The following MSRB3 variants were observed in gnomAD, a reference collection of about 807,000 sequenced individuals.
The protein encoded by MSRB3 is methionine-R-sulfoxide reductase B3.
Under a neutral mutation model 21.0 loss-of-function variants are expected in MSRB3, and 13 were observed. The observed-to-expected ratio is 0.62, with a 90% CI of 0.40 to 0.98. The LOEUF (loss-of-function observed/expected upper bound fraction) is 0.98. Ranked by LOEUF, MSRB3 falls within the 50% of genes least tolerant of loss-of-function variation. MSRB3 has a pLI of 0.00. For missense variants in MSRB3, 199 were observed against 230.3 expected (o/e 0.86, Z 0.88); for synonymous variants, 87 against 88.6 (o/e 0.98, Z 0.10).
At chr12:65,457,424 T>C (rs1055199136) in intron 6 of MSRB3, among the ~76,000 whole-genome samples, 4 of 152,078 alleles carry the variant, frequency 2.6e-5, no homozygotes, top group Non-Finnish European at 5.9e-5. Context: ...CCTGTGTCCA[T>C]GTGTTCTCAT....
At chr12:65,407,023 C>T (rs1459513667) in intron 5 of MSRB3, among the ~76,000 whole-genome samples, 1 of 152,170 alleles carries the variant, frequency 6.6e-6, no homozygotes, top group East Asian at 1.9e-4. Flanking sequence ...ATAAAATTAT[C>T]TGGTCTAAGA....
chr12:65,363,626 A>G (rs569511972), intron 4 of MSRB3, among the ~76,000 whole-genome samples: 6 of 152,216 alleles, frequency 3.9e-5, no homozygotes, highest in Non-Finnish European at 5.9e-5. Context: ...CAATATTGCT[A>G]TGGTGGATAG....
chr12:65,371,599 A>G (rs973205741), intron 5 of MSRB3, among the ~76,000 whole-genome samples: 3 of 135,954 alleles, frequency 2.2e-5, no homozygotes, highest in Non-Finnish European at 4.8e-5. Context: ...GTGTGTGTGT[A>G]CTCACACACC....
At chr12:65,349,466 TC>T (rs1295620293) in intron 4 of MSRB3, among the ~76,000 whole-genome samples, 3 of 150,750 alleles carry the variant, frequency 2.0e-5, no homozygotes, top group Non-Finnish European at 4.4e-5. Context: ...TAGTTCTAGA[TC>T]CCTGAGGAAT....
intron 1 of MSRB3, among the ~76,000 whole-genome samples, chr12:65,298,204 A>G (rs1299178797): frequency 6.6e-6 from 1 of 152,152 alleles, no homozygotes; most frequent in Non-Finnish European, 1.5e-5. Context: ...GGGTTTCACC[A>G]TGTTGCCCAG....
intron 5 of MSRB3, among the ~76,000 whole-genome samples, chr12:65,400,338 G>A (rs1408489916): frequency 6.6e-6 from 1 of 151,990 alleles, no homozygotes; most frequent in Non-Finnish European, 1.5e-5. Flanking sequence ...TTAGTCTTGG[G>A]AGGGTGTATA....
At chr12:65,384,978 C>T (rs1879135965) in intron 5 of MSRB3, among the ~76,000 whole-genome samples, 1 of 152,106 alleles carries the variant, frequency 6.6e-6, no homozygotes, top group Non-Finnish European at 1.5e-5. Flanking sequence ...ATTCTAGTGG[C>T]TCTGTCTTTT....
intron 5 of MSRB3, among the ~76,000 whole-genome samples, chr12:65,405,942 A>T (rs12303566): frequency 1.3e-5 from 2 of 151,766 alleles, no homozygotes; most frequent in East Asian, 3.9e-4. Flanking sequence ...TTATTTTCTT[A>T]TTTGAGTTTT....
chr12:65,349,237 C>G (rs573303137), intron 4 of MSRB3, among the ~76,000 whole-genome samples: 2 of 152,146 alleles, frequency 1.3e-5, no homozygotes, highest in South Asian at 4.1e-4. Context: ...AGGACATGAA[C>G]TCATCATTTT....
At chr12:65,362,873 C>T (rs1405855718) in intron 4 of MSRB3, among the ~76,000 whole-genome samples, 1 of 152,006 alleles carries the variant, frequency 6.6e-6, no homozygotes, top group African/African-American at 2.4e-5. Context: ...AGTCACTGGT[C>T]GGTGAAGGCC....
intron 2 of MSRB3, among the ~76,000 whole-genome samples, chr12:65,318,096 T>A (rs1874418668): frequency 6.6e-6 from 1 of 152,130 alleles, no homozygotes; most frequent in Admixed American, 6.6e-5. Flanking sequence ...AAAGTGGATT[T>A]TTTTTTTCTC....
intron 5 of MSRB3, chr12:65,419,224 C>A: frequency 1.4e-6 from 1 of 719,484 alleles, no homozygotes. Flanking sequence ...TTTGTCCAGC[C>A]CTTCTCAGTT....
intron 2 of MSRB3, among the ~76,000 whole-genome samples, chr12:65,325,450 T>C (rs1874956647): frequency 1.3e-5 from 2 of 151,972 alleles, no homozygotes; most frequent in Admixed American, 6.6e-5. Context: ...GCTCTTTGGG[T>C]CTGGCTTGCT....
intron 5 of MSRB3, among the ~76,000 whole-genome samples, chr12:65,430,204 T>C (rs556227508): frequency 6.6e-6 from 1 of 152,324 alleles, no homozygotes; most frequent in South Asian, 2.1e-4. Flanking sequence ...ACAACACTTC[T>C]GACAGTTAAA....
chr12:65,418,016 A>G (rs2067976678), intron 5 of MSRB3, among the ~76,000 whole-genome samples: 1 of 152,222 alleles, frequency 6.6e-6, no homozygotes, highest in Non-Finnish European at 1.5e-5. Flanking sequence ...TTGCTGGATC[A>G]TATGGTAGAT....
At chr12:65,283,635 G>A (rs1872173963) in intron 1 of MSRB3, 1 of 152,162 alleles carries the variant, frequency 6.6e-6, no homozygotes, top group African/African-American at 2.4e-5. Context: ...GTTTCACCAT[G>A]TTGGCCAGGC....
intron 4 of MSRB3, among the ~76,000 whole-genome samples, chr12:65,333,396 C>T (rs1875553957): frequency 6.6e-6 from 1 of 152,118 alleles, no homozygotes; most frequent in African/African-American, 2.4e-5. Context: ...CACACTTTAC[C>T]AGGCCAAGAG....
chr12:65,436,080 G>C (rs1882101367), intron 5 of MSRB3, among the ~76,000 whole-genome samples: 1 of 151,766 alleles, frequency 6.6e-6, no homozygotes, highest in Admixed American at 6.6e-5. Flanking sequence ...TCAGGCATAG[G>C]CTTTAGATAA....
intron 5 of MSRB3, among the ~76,000 whole-genome samples, chr12:65,445,915 G>T (rs1882596184): frequency 6.6e-6 from 1 of 152,114 alleles, no homozygotes; most frequent in Non-Finnish European, 1.5e-5. Context: ...AAAGTGCTGG[G>T]ATTAGAGGTG....
Sources: allele counts gnomAD v4.1 joint callset (sites outside exome capture counted in the v4.1 genomes callset), GRCh38; gene constraint gnomAD v4.1.1; transcripts MANE v1.5; gene names NCBI Gene and HGNC (gene_info 2026-07-23, HGNC 2026-07-21).